The following SLC36A1 variants were observed in gnomAD, a reference collection of about 807,000 sequenced individuals.
SLC36A1 encodes solute carrier family 36 member 1.
SLC36A1 carries 30 observed loss-of-function variants against 47.5 expected under a neutral mutation model. The ratio of observed to expected loss-of-function variants is 0.63; its 90% CI spans 0.47 to 0.86. The LOEUF is 0.86. Ranked by LOEUF, SLC36A1 falls within the 40% of genes least tolerant of loss-of-function variation. The probability of loss-of-function intolerance (pLI) is 0.00; values close to 1 mark genes in which losing one functional copy is unlikely to be tolerated. For synonymous variants in SLC36A1, 255 were observed against 249.7 expected, an observed-to-expected ratio of 1.02 and a Z score of -0.20; for missense variants, 517 against 606.0, an observed-to-expected ratio of 0.85 and a Z score of 1.54.
At chr5:151,476,907 C>T (rs59943681) in intron 9 of SLC36A1, 151 bp downstream of exon 9, 46,490 of 940,006 alleles carry the variant, frequency 0.049, 1,310 homozygotes, top group Non-Finnish European at 0.053. Context: ...TCACTGGCTG[C>T]CCTGGACTGC....
chr5:151,537,780 T>C, the SLC36A1 span: 1 of 1,605,418 alleles, frequency 6.2e-7, no homozygotes, highest in Non-Finnish European at 8.5e-7. Flanking sequence ...ATCCTGCAGC[T>C]CAGGAAACCC....
At chr5:151,451,701 A>T (rs7710891) in intron 1 of SLC36A1, among the ~76,000 whole-genome samples, 1 of 152,080 alleles carries the variant, frequency 6.6e-6, no homozygotes, top group African/African-American at 2.4e-5. Flanking sequence ...TATTAATGAC[A>T]TCTTTCAGAT....
chr5:151,367,152 G>A, the SLC36A1 span, among the ~76,000 whole-genome samples: 6 of 152,168 alleles, frequency 3.9e-5, no homozygotes, highest in South Asian at 2.1e-4. Context: ...AGCAGTGCAC[G>A]TATTGTCTTG....
At chr5:151,441,441 A>G (rs1752626320) in intron 1 of SLC36A1, among the ~76,000 whole-genome samples, 1 of 152,248 alleles carries the variant, frequency 6.6e-6, no homozygotes, top group African/African-American at 2.4e-5. Flanking sequence ...TTCTGCACAT[A>G]TTGAAAGTGG....
chr5:151,412,481 C>A, the SLC36A1 span: 1 of 144,154 alleles, frequency 6.9e-6, no homozygotes, highest in Non-Finnish European at 1.5e-5. Context: ...CATACACACA[C>A]ATACACACGC....
At chr5:151,382,142 T>A in the SLC36A1 span, 2 of 927,418 alleles carry the variant, frequency 2.2e-6, no homozygotes, top group South Asian at 2.7e-5. Context: ...TCAAGCACAG[T>A]GCAGACTCTG....
At chr5:151,454,083 A>ATTT (rs35097474) in intron 1 of SLC36A1, among the ~76,000 whole-genome samples, 1,767 of 87,840 alleles carry the variant, frequency 0.02, 27 homozygotes, top group African/African-American at 0.046. Context: ...GTACACTTAA[A>ATTT]TTTTTTTTTT....
the SLC36A1 span, chr5:151,527,945 C>T: frequency 1.3e-6 from 2 of 1,593,392 alleles, no homozygotes; most frequent in South Asian, 2.3e-5. Context: ...TGCAGTGGGA[C>T]TGTGTCTCTG....
At chr5:151,439,859 A>G (rs866777390) in intron 1 of SLC36A1, among the ~76,000 whole-genome samples, 12 of 152,124 alleles carry the variant, frequency 7.9e-5, no homozygotes, top group African/African-American at 2.7e-4. Flanking sequence ...AGGCACCAGC[A>G]TGTCATATCT....
At chr5:151,395,401 G>C in the SLC36A1 span, among the ~76,000 whole-genome samples, 3 of 152,196 alleles carry the variant, frequency 2.0e-5, no homozygotes, top group Admixed American at 2.0e-4. Flanking sequence ...TCAGTGGGCT[G>C]CAGCCACTGT....
chr5:151,510,063 T>C, the SLC36A1 span: 14 of 1,613,970 alleles, frequency 8.7e-6, no homozygotes, highest in Admixed American at 3.3e-5. Context: ...GGAAGCTCCT[T>C]TGGGGGAGAG....
downstream of SLC36A1, among the ~76,000 whole-genome samples, chr5:151,497,134 A>G (rs915734904): frequency 4.6e-5 from 7 of 152,124 alleles, no homozygotes; most frequent in Non-Finnish European, 8.8e-5. Context: ...TCATATTGCA[A>G]TGGTTCAAAT....
the SLC36A1 span, among the ~76,000 whole-genome samples, chr5:151,428,256 G>T: frequency 6.6e-6 from 1 of 152,198 alleles, no homozygotes; most frequent in African/African-American, 2.4e-5. Flanking sequence ...CTGATAGGAG[G>T]CAGGGGTGTA....
chr5:151,448,415 C>T (rs1255814927), intron 1 of SLC36A1, among the ~76,000 whole-genome samples: 1 of 152,216 alleles, frequency 6.6e-6, no homozygotes, highest in African/African-American at 2.4e-5. Flanking sequence ...TTTTAGCTGT[C>T]TGCATTTTCC....
downstream of SLC36A1, among the ~76,000 whole-genome samples, chr5:151,493,688 G>C (rs151130880): frequency 6.6e-6 from 1 of 152,260 alleles, no homozygotes; most frequent in Non-Finnish European, 1.5e-5. Context: ...TAGCAGCTAC[G>C]CCAAGCCACC....
chr5:151,372,903 T>G, the SLC36A1 span, among the ~76,000 whole-genome samples: 3 of 152,148 alleles, frequency 2.0e-5, no homozygotes, highest in African/African-American at 7.2e-5. Context: ...GTCAAACTGT[T>G]TAACATATGA....
the SLC36A1 span, among the ~76,000 whole-genome samples, chr5:151,516,615 T>C: frequency 6.6e-6 from 1 of 152,244 alleles, no homozygotes; most frequent in Non-Finnish European, 1.5e-5. Flanking sequence ...ACAAATTCTA[T>C]AATTTTCTGA....
chr5:151,463,451 G>C, intron 2 of SLC36A1, 102 bp from the exon 3 acceptor site: 1 of 867,280 alleles, frequency 1.2e-6, no homozygotes, highest in East Asian at 2.5e-5. Flanking sequence ...AAATCTTACA[G>C]GGTTGTTGTG....
Position 151,473,764 on chromosome 5 carries a change from T to C in SLC36A1, c.815T>C (p.Ile272Thr). 6.2e-7 allele frequency: 1 copy of C among 1,612,774 alleles called. No individual in the cohort carries two copies. Among genetic ancestry groups the C allele is most frequent in the Non-Finnish European group, 8.5e-7 (1 of 1,178,838 alleles). Reference protein sequence around the residue: ...FGTAIFSFEGIGMVLPLENKM... With the variant: ...FGTAIFSFEGTGMVLPLENKM... Reference sequence around the variant, plus strand: ...ACAGCGATTTTTTCATTTGAAGGCATTGGAATGGTAAGAGCTGCACTGTGA... The same window carrying C: ...ACAGCGATTTTTTCATTTGAAGGCACTGGAATGGTAAGAGCTGCACTGTGA... Residue 272 changes from isoleucine (I) to threonine (T), a missense_variant, in exon 8 of 11, where the codon ATT becomes ACT. By Grantham distance (89) the Ile-to-Thr change is moderately conservative. Transcript: ENST00000243389.
Sources: gnomAD v4.1 joint callset for allele counts (sites outside exome capture counted in the v4.1 genomes callset) on GRCh38, gnomAD v4.1.1 for gene constraint, MANE v1.5 for transcripts, NCBI Gene and HGNC (gene_info 2026-07-23, HGNC 2026-07-21) for gene names.